The following PIK3R1 variants were observed in gnomAD, a reference collection of about 807,000 sequenced individuals.
The protein encoded by PIK3R1 is phosphoinositide-3-kinase regulatory subunit 1.
Under a neutral mutation model 98.0 loss-of-function variants are expected in PIK3R1, and 29 were observed. The ratio of observed to expected loss-of-function variants is 0.30; its 90% CI spans 0.22 to 0.40. The LOEUF (loss-of-function observed/expected upper bound fraction) is 0.40. Ranked by LOEUF, PIK3R1 falls within the 10% of genes least tolerant of loss-of-function variation. The pLI is 1.00. For missense variants in PIK3R1, 596 were observed against 872.7 expected, an observed-to-expected ratio of 0.68 and a Z score of 3.99; for synonymous variants, 282 against 311.8, an observed-to-expected ratio of 0.90 and a Z score of 1.01.
intron 2 of PIK3R1, among the ~76,000 whole-genome samples, chr5:68,256,120 AAAC>A (rs1745505255): frequency 6.6e-6 from 1 of 152,266 alleles, no homozygotes; most frequent in Non-Finnish European, 1.5e-5. Context: ...TCTTTAATGA[AAAC>A]AGCCTGAACG....
rs2112251686 is a variant in PIK3R1, at chr5:68,293,101, G to A, written c.1020G>A (p.Arg340=). Reference sequence around the variant, plus strand: ...GCATTGTTTTGTGTTTTCATTTCAGGGAAGAAGTGAATGAAAAACTTCGAG... The same window carrying A: ...GCATTGTTTTGTGTTTTCATTTCAGAGAAGAAGTGAATGAAAAACTTCGAG... The part of the protein sequence containing the change: ...DAEWYWGDIS[R]EEVNEKLRDT... Residue 340 remains arginine, a splice_region_variant and synonymous_variant, in exon 9 of 16, where the codon AGG becomes AGA. Coordinates refer to ENST00000521381, the MANE Select transcript of PIK3R1 (RefSeq NM_181523.3). 1.9e-6 allele frequency: 3 copies of A among 1,608,188 alleles called. No homozygotes were observed. Among genetic ancestry groups the A allele is most frequent in the East Asian group, 2.2e-5 (1 of 44,822 alleles).
intron 2 of PIK3R1, among the ~76,000 whole-genome samples, chr5:68,242,087 G>A (rs1744892007): frequency 6.6e-6 from 1 of 152,194 alleles, no homozygotes; most frequent in South Asian, 2.1e-4. Context: ...AGTATCACAG[G>A]TTAAAGCAAT....
At chr5:68,284,256 C>T (rs1187203339) in intron 7 of PIK3R1, among the ~76,000 whole-genome samples, 1 of 152,196 alleles carries the variant, frequency 6.6e-6, no homozygotes, top group Non-Finnish European at 1.5e-5. Flanking sequence ...TTCCTTCAGT[C>T]CACCCATTCC....
chr5:68,300,408 A>T lies in PIK3R1; in HGVS notation c.*2807A>T. On this transcript the variant is annotated 3_prime_UTR_variant, in exon 16 of 16. Coordinates refer to ENST00000521381, the MANE Select transcript of PIK3R1 (RefSeq NM_181523.3). Reference sequence around the variant, plus strand: ...GAATATGAATAGATACAGCAGAGGCACTCCTGATATATGATTTTTATCCAT... The same window carrying T: ...GAATATGAATAGATACAGCAGAGGCTCTCCTGATATATGATTTTTATCCAT... 1 of 233,010 alleles carries T rather than the reference A, an allele frequency of 4.3e-6. No individual in the cohort carries two copies. The highest frequency in any genetic ancestry group is 6.0e-5 in the East Asian group (1 of 16,542). 14.4% of individuals were successfully genotyped at this position (233,010 alleles called of 1,614,324 possible).
intron 7 of PIK3R1, among the ~76,000 whole-genome samples, chr5:68,288,965 A>G (rs776501941): frequency 6.6e-6 from 1 of 152,088 alleles, no homozygotes; most frequent in Admixed American, 6.5e-5. Context: ...GAAGGTACTA[A>G]TTACAACGTG....
chr5:68,228,426 T>G (rs982658378), intron 2 of PIK3R1, among the ~76,000 whole-genome samples: 6 of 152,220 alleles, frequency 3.9e-5, no homozygotes, highest in Admixed American at 6.5e-5. Context: ...AATGTTATAC[T>G]TTATAATGTT....
chr5:68,250,660 T>TG (rs1385897590), intron 2 of PIK3R1, among the ~76,000 whole-genome samples: 1 of 152,174 alleles, frequency 6.6e-6, no homozygotes, highest in Non-Finnish European at 1.5e-5. Flanking sequence ...AAAGCTTTTT[T>TG]GGGGAAAATG....
chr5:68,234,213 G>C (rs1218330302), intron 2 of PIK3R1, among the ~76,000 whole-genome samples: 3 of 152,184 alleles, frequency 2.0e-5, no homozygotes. Flanking sequence ...GCTAAATGCT[G>C]TCTCTTTTGA....
intron 4 of PIK3R1, among the ~76,000 whole-genome samples, chr5:68,278,594 G>A (rs992545824): frequency 1.3e-5 from 2 of 152,186 alleles, no homozygotes; most frequent in Non-Finnish European, 2.9e-5. Flanking sequence ...TTTGGGTTCT[G>A]TATTCGTTTG....
intron 10 of PIK3R1, 71 bp downstream of exon 10, chr5:68,293,554 T>C: frequency 7.7e-7 from 1 of 1,307,056 alleles, no homozygotes; most frequent in Non-Finnish European, 1.1e-6. Flanking sequence ...AGAAAACATT[T>C]GAAGCAGATG....
Position 68,227,007 on chromosome 5 carries a change from A to G in PIK3R1, c.332A>G (p.Gln111Arg), listed in dbSNP as rs575423347. ...SSKTEADVEQ[Q>R]ALTLPDLAEQ... ...AAAACTGAAGCAGATGTTGAACAAC[A>G]AGGTCAGTATTGATAAGTGGTTGCT... is the stretch of plus-strand genomic sequence containing the variant. Residue 111 changes from glutamine (Q) to arginine (R), a missense_variant and splice_region_variant, in exon 2 of 16, where the codon CAA becomes CGA. By Grantham distance (43) the Gln-to-Arg change is conservative. Transcript: ENST00000521381. 6.2e-6 allele frequency: 10 copies of G among 1,610,326 alleles called. No homozygotes were observed. The highest frequency in any genetic ancestry group is 1.7e-5 in the Admixed American group (1 of 59,344).
At chr5:68,248,955 G>A (rs1232685186) in intron 2 of PIK3R1, among the ~76,000 whole-genome samples, 1 of 152,200 alleles carries the variant, frequency 6.6e-6, no homozygotes, top group African/African-American at 2.4e-5. Context: ...CCAGCATACT[G>A]CTATGGATGT....
At chr5:68,254,216 A>G (rs534541212) in intron 2 of PIK3R1, among the ~76,000 whole-genome samples, 1 of 152,200 alleles carries the variant, frequency 6.6e-6, no homozygotes, top group African/African-American at 2.4e-5. Flanking sequence ...TATTCCCAAG[A>G]AAAGAATGAT....
In PIK3R1 at chr5:68,234,713, A is replaced by T. The variant is rs377654574; in HGVS notation, c.334+7704A>T. 2.2e-4 allele frequency among the ~76,000 whole-genome samples: 33 copies of T among 152,198 alleles called. 1 individual carries two copies. The highest frequency in any genetic ancestry group is 1.3e-3 in the East Asian group (7 of 5,200). ...GAGTTCCTACAGATTTGTTTCATATATATTTGTTAAATTTTCCAAGGTAAG... is the reference window on the plus strand; with the variant it reads ...GAGTTCCTACAGATTTGTTTCATATTTATTTGTTAAATTTTCCAAGGTAAG... On this transcript the variant is annotated intron_variant, in intron 2 of 15. Coordinates refer to ENST00000521381, the MANE Select transcript of PIK3R1 (RefSeq NM_181523.3).
chr5:68,293,353 A>G lies in PIK3R1; in HGVS notation c.1169A>G (p.Tyr390Cys), dbSNP rs753971993. The G allele has an allele frequency of 6.2e-7, 1 of 1,613,356 alleles. No homozygotes were observed. Among genetic ancestry groups the G allele is most frequent in the Non-Finnish European group, 8.5e-7 (1 of 1,179,422 alleles). Residue 390 changes from tyrosine (Y) to cysteine (C), a missense_variant, in exon 10 of 16, where the codon TAT becomes TGT. By Grantham distance (194) the Tyr-to-Cys change is radical. This residue lies in a region of PIK3R1 where 37 missense variants were observed against 118.0 expected (regional missense o/e 0.31). Coordinates refer to ENST00000521381, the MANE Select transcript of PIK3R1 (RefSeq NM_181523.3). ...AAAATATTTCATCGAGATGGGAAAT[A>G]TGGCTTCTCTGACCCATTAACCTTC... The part of the protein sequence containing the change: ...LIKIFHRDGK[Y>C]GFSDPLTFSS...
chr5:68,238,707 A>G (rs1744761675), intron 2 of PIK3R1, among the ~76,000 whole-genome samples: 1 of 152,116 alleles, frequency 6.6e-6, no homozygotes, highest in Admixed American at 6.5e-5. Flanking sequence ...AATGAGGGAG[A>G]AGATATATAG....
chr5:68,225,797 T>C (rs1744250373), intron 1 of PIK3R1, among the ~76,000 whole-genome samples: 1 of 152,158 alleles, frequency 6.6e-6, no homozygotes, highest in African/African-American at 2.4e-5. Flanking sequence ...TACCTAAATC[T>C]CTAACCCCAA....
intron 4 of PIK3R1, among the ~76,000 whole-genome samples, 176 bp from the exon 5 acceptor site, chr5:68,279,426 A>G (rs1466888151): frequency 6.6e-6 from 1 of 152,074 alleles, no homozygotes; most frequent in African/African-American, 2.4e-5. Flanking sequence ...AAATGCCCGG[A>G]GCAACCCCTA....
intron 7 of PIK3R1, among the ~76,000 whole-genome samples, chr5:68,283,293 A>G (rs780938856): frequency 3.9e-5 from 6 of 152,246 alleles, no homozygotes; most frequent in Non-Finnish European, 5.9e-5. Context: ...AATTATTACC[A>G]GATAGAACTT....
Sources: allele counts gnomAD v4.1 joint callset (sites outside exome capture counted in the v4.1 genomes callset), GRCh38; gene constraint gnomAD v4.1.1; regional missense constraint gnomAD v4.1.1; transcripts MANE v1.5; gene names NCBI Gene and HGNC (gene_info 2026-07-23, HGNC 2026-07-21).